TMEM132C: variants seen among roughly 807,000 people sequenced by gnomAD.
The protein encoded by TMEM132C is protein phosphatase 1, regulatory subunit 152.
A neutral mutation model predicts 61.4 loss-of-function variants in TMEM132C; 29 were observed. That is an observed-to-expected ratio of 0.47 (90% CI 0.35 to 0.64). The LOEUF (loss-of-function observed/expected upper bound fraction) is 0.64, where lower values mean the gene tolerates loss of function less well. TMEM132C is among the 30% of genes least tolerant of loss of function. The pLI, the probability that TMEM132C is intolerant of heterozygous loss-of-function variation, is 0.00. For missense variants in TMEM132C, 1,408 were observed against 1,476.9 expected, an observed-to-expected ratio of 0.95 and a Z score of 0.76; for synonymous variants, 656 against 633.1, an observed-to-expected ratio of 1.04 and a Z score of -0.54.
At chr12:128,283,443 G>A (rs1870959512) in intron 1 of TMEM132C, among the ~76,000 whole-genome samples, 1 of 152,070 alleles carries the variant, frequency 6.6e-6, no homozygotes, top group Admixed American at 6.5e-5. Flanking sequence ...GTGGACAGAG[G>A]CAGGAAATCA....
intron 2 of TMEM132C, among the ~76,000 whole-genome samples, chr12:128,456,918 A>G (rs1229009750): frequency 6.6e-6 from 1 of 152,008 alleles, no homozygotes; most frequent in East Asian, 1.9e-4. Flanking sequence ...TACATAATAC[A>G]CTATTTTCGC....
intron 3 of TMEM132C, among the ~76,000 whole-genome samples, chr12:128,607,968 G>C (rs765803067): frequency 1.2e-4 from 19 of 152,040 alleles, no homozygotes; most frequent in Non-Finnish European, 2.2e-4. Context: ...TAAATAACAG[G>C]GCCAGGTCTA....
chr12:128,557,654 T>C (rs983799312), intron 3 of TMEM132C, among the ~76,000 whole-genome samples: 3 of 152,104 alleles, frequency 2.0e-5, no homozygotes, highest in African/African-American at 7.2e-5. Context: ...TCAGAGAACA[T>C]ATTCACAGTC....
chr12:128,335,252 T>G, intron 1 of TMEM132C, among the ~76,000 whole-genome samples: 1 of 152,234 alleles, frequency 6.6e-6, no homozygotes, highest in East Asian at 1.9e-4. Context: ...TTATGATTTT[T>G]GGGTAATATC....
At chr12:128,421,630 T>C (rs1016929422) in intron 2 of TMEM132C, among the ~76,000 whole-genome samples, 2 of 152,270 alleles carry the variant, frequency 1.3e-5, no homozygotes, top group African/African-American at 4.8e-5. Context: ...AGAAGCAGAC[T>C]GGATTTTGTT....
chr12:128,316,969 A>C (rs1432346929), intron 1 of TMEM132C, among the ~76,000 whole-genome samples: 1 of 152,188 alleles, frequency 6.6e-6, no homozygotes, highest in Non-Finnish European at 1.5e-5. Flanking sequence ...ATGTGACCTC[A>C]ATTTTTTGAA....
intron 5 of TMEM132C, among the ~76,000 whole-genome samples, chr12:128,679,045 G>A (rs1187426576): frequency 2.0e-5 from 3 of 152,184 alleles, no homozygotes; most frequent in Non-Finnish European, 4.4e-5. Context: ...TCTCAGATAT[G>A]GAGATCCTAA....
intron 1 of TMEM132C, among the ~76,000 whole-genome samples, chr12:128,301,686 G>A (rs1177318470): frequency 5.3e-5 from 8 of 152,124 alleles, no homozygotes; most frequent in Admixed American, 3.9e-4. Flanking sequence ...TTTGCATTGG[G>A]ACTTGGCAAA....
intron 3 of TMEM132C, among the ~76,000 whole-genome samples, chr12:128,561,591 C>T (rs1035363897): frequency 6.6e-6 from 1 of 152,146 alleles, no homozygotes; most frequent in Non-Finnish European, 1.5e-5. Flanking sequence ...TAGGTCTGGA[C>T]GATGACCGTG....
chr12:128,695,850 A>G lies in TMEM132C; in HGVS notation c.1676A>G (p.Asp559Gly). ...ACAAGGCCCACTCGTGAGAGCGAGG[A>G]TGAGGACGAGGAGGAGCGGCGGGGC... is the stretch of plus-strand genomic sequence containing the variant. ...TNKRPTRESE[D>G]EDEEERRGRG... The change falls in exon 7 of 9, where the codon GAT becomes GGT. Residue 559 changes from aspartate to glycine, a missense_variant. Asp to Gly is a moderately conservative substitution (Grantham distance 94). Coordinates refer to ENST00000435159, the MANE Select transcript of TMEM132C (RefSeq NM_001136103.3). 6.5e-7 allele frequency: 1 copy of G among 1,548,718 alleles called. No homozygotes were observed. The highest frequency in any genetic ancestry group is 8.7e-7 in the Non-Finnish European group (1 of 1,145,100).
chr12:128,586,645 G>C (rs2135563266), intron 3 of TMEM132C, among the ~76,000 whole-genome samples: 1 of 152,228 alleles, frequency 6.6e-6, no homozygotes, highest in African/African-American at 2.4e-5. Context: ...CTCTCTCTCT[G>C]TCTCTCAAAA....
chr12:128,336,892 G>A (rs1872803874), intron 1 of TMEM132C, among the ~76,000 whole-genome samples: 1 of 152,174 alleles, frequency 6.6e-6, no homozygotes, highest in Admixed American at 6.5e-5. Context: ...TTCAGAACAA[G>A]GAGTGTGTTC....
intron 4 of TMEM132C, among the ~76,000 whole-genome samples, chr12:128,655,711 A>C (rs1411211436): frequency 1.3e-5 from 2 of 152,082 alleles, no homozygotes; most frequent in Admixed American, 1.3e-4. Context: ...CACAGAGAAC[A>C]GTGGGATTAC....
At chr12:128,609,521 G>A (rs1360273163) in intron 3 of TMEM132C, among the ~76,000 whole-genome samples, 2 of 152,022 alleles carry the variant, frequency 1.3e-5, no homozygotes, top group Non-Finnish European at 2.9e-5. Context: ...GCCTCACAAA[G>A]TGCTGGGATT....
Position 128,705,969 on chromosome 12 carries a change from G to T in TMEM132C, c.3001G>T (p.Gly1001Ter), listed in dbSNP as rs528438138. ...CGAGCACACCACCATCATAGACCGC[G>T]GACCGGGGGCCTGCGAGGAGAGCAA... ...QDEHTTIIDR[G>*]PGACEESNHL... is the part of the protein sequence containing the mutation. Residue 1001 changes from glycine (G) to a stop codon, truncating the protein, a stop_gained, in exon 9 of 9, where the codon GGA becomes TGA. Coordinates refer to ENST00000435159, the MANE Select transcript of TMEM132C (RefSeq NM_001136103.3). LOFTEE classifies it low-confidence loss of function (END_TRUNC). 1 of 1,551,618 alleles carries T rather than the reference G, an allele frequency of 6.4e-7. No homozygotes were observed. Among genetic ancestry groups the T allele is most frequent in the African/African-American group, 1.4e-5 (1 of 73,156 alleles).
chr12:128,618,391 G>T (rs1016662381), intron 4 of TMEM132C, among the ~76,000 whole-genome samples: 22 of 152,172 alleles, frequency 1.4e-4, no homozygotes, highest in Non-Finnish European at 7.3e-5. Context: ...GCAAGTAAAT[G>T]CATGTGAATT....
rs141438492 is a variant in TMEM132C at position 128,544,146 on chromosome 12, C to T, written c.1121+43C>T. On this transcript the variant is annotated intron_variant, in intron 3 of 8. Coordinates refer to ENST00000435159, the MANE Select transcript of TMEM132C (RefSeq NM_001136103.3). ...TGCAAGCGTGTGTGGTTCCTGGTCC[C>T]GGGCCCAGGCCGGCTGGTGCGTAAG... 4.3e-4 allele frequency: 628 copies of T among 1,460,354 alleles called. 7 individuals are homozygous for T. The East Asian group carries it at 0.012, about 28-fold the overall frequency. The allele number at this position is 1,460,354 out of a possible 1,614,324, so 90.5% of individuals were successfully genotyped here.
chr12:128,289,272 G>A (rs1200759578), intron 1 of TMEM132C, among the ~76,000 whole-genome samples: 2 of 152,092 alleles, frequency 1.3e-5, no homozygotes, highest in Non-Finnish European at 2.9e-5. Context: ...TTATACACAC[G>A]CACACATGCT....
chr12:128,280,706 C>T (rs1044966203), intron 1 of TMEM132C, among the ~76,000 whole-genome samples: 1 of 152,154 alleles, frequency 6.6e-6, no homozygotes, highest in Admixed American at 6.5e-5. Flanking sequence ...ATACTGTTGG[C>T]TTCCTTATTA....
Sources: gnomAD v4.1 joint callset for allele counts (sites outside exome capture counted in the v4.1 genomes callset) on GRCh38, gnomAD v4.1.1 for gene constraint, MANE v1.5 for transcripts, NCBI Gene and HGNC (gene_info 2026-07-23, HGNC 2026-07-21) for gene names.